PHC1: variants seen among roughly 807,000 people sequenced by gnomAD.
PHC1 encodes the protein polyhomeotic-like protein 1.
Under a neutral mutation model 104.3 loss-of-function variants are expected in PHC1, and 12 were observed. The ratio of observed to expected loss-of-function variants is 0.12; its 90% CI spans 0.07 to 0.19. The LOEUF (loss-of-function observed/expected upper bound fraction) is 0.19. Ranked by LOEUF, PHC1 falls within the 10% of genes least tolerant of loss-of-function variation. The probability of loss-of-function intolerance (pLI) is 1.00; values close to 1 mark genes in which losing one functional copy is unlikely to be tolerated. For synonymous variants in PHC1, 302 were observed against 455.8 expected, an observed-to-expected ratio of 0.66 and a Z score of 4.30; for missense variants, 671 against 1,200.0, an observed-to-expected ratio of 0.56 and a Z score of 6.51.
chr12:8,917,543 A>C, intron 1 of PHC1, 87 bp from the exon 2 acceptor site: 1 of 493,342 alleles, frequency 2.0e-6, no homozygotes, highest in Non-Finnish European at 3.6e-6. Context: ...TTAGATACTT[A>C]TGGATTTCCT....
chr12:8,933,776 A>C, intron 8 of PHC1, 89 bp from the exon 9 acceptor site: 1 of 1,132,324 alleles, frequency 8.8e-7, no homozygotes, highest in Non-Finnish European at 1.3e-6. Flanking sequence ...GAACTAAGAA[A>C]ATTTTCTTTG....
intron 8 of PHC1, 162 bp downstream of exon 8, chr12:8,933,512 T>C: frequency 1.0e-6 from 1 of 981,700 alleles, no homozygotes; most frequent in Non-Finnish European, 1.4e-6. Flanking sequence ...ATATAATATC[T>C]GAACTTTATA....
chr12:8,935,364 GCCTGTAATC>G (rs1945805177), intron 11 of PHC1, 126 bp downstream of exon 11: 1 of 575,978 alleles, frequency 1.7e-6, no homozygotes, highest in African/African-American at 1.9e-5. Flanking sequence ...AGTGGCTCAT[GCCTGTAATC>G]CCAGCACTTT....
rs746727142 is a variant in PHC1 at position 8,938,039 on chromosome 12, G to A, written c.2839G>A (p.Glu947Lys). 1 of 1,606,288 alleles carries A rather than the reference G, an allele frequency of 6.2e-7. No homozygotes were observed. The highest frequency in any genetic ancestry group is 8.5e-7 in the Non-Finnish European group (1 of 1,174,196). The change falls in exon 14 of 15, where the codon GAG becomes AAG. Residue 947 changes from glutamate (E) to lysine (K), a missense_variant. Glu to Lys is a moderately conservative substitution (Grantham distance 56). Around this residue, in one of 9 missense-constraint regions of PHC1, gnomAD observed 192 missense variants for 280.5 expected, o/e 0.68. Coordinates refer to ENST00000544916, the MANE Select transcript of PHC1 (RefSeq NM_004426.3). The part of the protein sequence containing the change: ...PSRWSVEEVY[E>K]FIASLQGCQE... ...CCGTTGGAGTGTAGAGGAGGTGTACGAGTTTATTGCTTCTCTCCAAGGTAC... is the reference window on the plus strand; with the variant it reads ...CCGTTGGAGTGTAGAGGAGGTGTACAAGTTTATTGCTTCTCTCCAAGGTAC...
intron 14 of PHC1, 131 bp downstream of exon 14, chr12:8,938,191 TAATATTC>T: frequency 1.6e-6 from 1 of 626,830 alleles, no homozygotes; most frequent in Non-Finnish European, 2.8e-6. Flanking sequence ...GCTCTACTCC[TAATATTC>T]AAGTTGACTT....
intron 2 of PHC1, among the ~76,000 whole-genome samples, chr12:8,918,710 C>T (rs1945272693): frequency 6.6e-6 from 1 of 152,148 alleles, no homozygotes; most frequent in South Asian, 2.1e-4. Context: ...GCATGTATTT[C>T]CAGCTCCCAA....
chr12:8,929,901 T>A (rs1945633039), intron 6 of PHC1, among the ~76,000 whole-genome samples: 1 of 152,214 alleles, frequency 6.6e-6, no homozygotes, highest in African/African-American at 2.4e-5. Context: ...CATTACCTAC[T>A]GAGTGTCACA....
chr12:8,931,653 T>G (rs1441689670), intron 7 of PHC1, among the ~76,000 whole-genome samples: 3 of 152,192 alleles, frequency 2.0e-5, no homozygotes, highest in African/African-American at 7.2e-5. Flanking sequence ...TGAGCTGGGA[T>G]CACACCACTG....
chr12:8,930,352 A>G (rs73238258), intron 6 of PHC1, 83 bp from the exon 7 acceptor site: 2 of 1,538,424 alleles, frequency 1.3e-6, no homozygotes, highest in African/African-American at 1.4e-5. Flanking sequence ...ATACGACACA[A>G]TAGCAGTCCT....
At chr12:8,927,891 TTCTTTCTTTCTTTCTTTCTTTC>T (rs1284272904) in intron 6 of PHC1, among the ~76,000 whole-genome samples, 1,244 of 115,536 alleles carry the variant, frequency 0.011, 41 homozygotes, top group African/African-American at 0.043. Flanking sequence ...CTTTCTTTCT[TTCTTTCTTTCTTTCTTTCTTTC>T]TTTTTTTTTT....
At chr12:8,923,835 A>AG (rs1945436454) in intron 6 of PHC1, among the ~76,000 whole-genome samples, 1 of 151,606 alleles carries the variant, frequency 6.6e-6, no homozygotes, top group African/African-American at 2.4e-5. Context: ...GTCTCAAAAA[A>AG]AAAAAAAAAA....
At chr12:8,916,691 A>G (rs757978870) in intron 1 of PHC1, among the ~76,000 whole-genome samples, 1 of 152,234 alleles carries the variant, frequency 6.6e-6, no homozygotes, top group East Asian at 1.9e-4. Flanking sequence ...ATAAAGTTGC[A>G]TCTTACTTTC....
intron 6 of PHC1, among the ~76,000 whole-genome samples, chr12:8,928,732 A>G (rs180962832): frequency 1.3e-5 from 2 of 152,338 alleles, no homozygotes; most frequent in East Asian, 3.8e-4. Flanking sequence ...AATATTTTGA[A>G]GCAAACCCCA....
At chr12:8,927,897 CTTTCTTTCTTTCTTTCTTT>C (rs1945568849) in intron 6 of PHC1, among the ~76,000 whole-genome samples, 1 of 110,672 alleles carries the variant, frequency 9.0e-6, no homozygotes. Context: ...TTCTTTCTTT[CTTTCTTTCTTTCTTTCTTT>C]TTTTTTTTTT....
At chr12:8,929,607 A>G (rs1945625141) in intron 6 of PHC1, among the ~76,000 whole-genome samples, 1 of 151,066 alleles carries the variant, frequency 6.6e-6, no homozygotes, top group African/African-American at 2.4e-5. Context: ...AGCTCACTGC[A>G]GTCTCTGCCT....
chr12:8,938,286 A>G (rs1213606609), intron 14 of PHC1, among the ~76,000 whole-genome samples: 1 of 152,196 alleles, frequency 6.6e-6, no homozygotes, highest in Non-Finnish European at 1.5e-5. Context: ...CTTATGATGT[A>G]GCTGCATTTC....
chr12:8,937,296 C>G lies in PHC1; in HGVS notation c.2598C>G (p.Ala866=). 12 of 1,610,342 alleles carry G rather than the reference C, an allele frequency of 7.5e-6. No homozygotes were observed. The highest frequency in any genetic ancestry group is 1.0e-5 in the Non-Finnish European group (12 of 1,178,220). Residue 866 remains alanine, a synonymous_variant, in exon 13 of 15, where the codon GCC becomes GCG. Coordinates refer to ENST00000544916, the MANE Select transcript of PHC1 (RefSeq NM_004426.3). ...RGPRRSSSDI[A]RAKIQGKCHR... ...CCCGCCGCAGCTCCTCTGACATTGCCCGTGCCAAGATTCAGGGCAAGTGCC... is the reference window on the plus strand; with the variant it reads ...CCCGCCGCAGCTCCTCTGACATTGCGCGTGCCAAGATTCAGGGCAAGTGCC...
At chr12:8,935,318 T>A (rs1319047406) in intron 11 of PHC1, 80 bp downstream of exon 11, 8 of 622,704 alleles carry the variant, frequency 1.3e-5, no homozygotes, top group Non-Finnish European at 2.2e-5. Flanking sequence ...AAATAGTAGT[T>A]ACCTATTTAT....
chr12:8,930,185 T>TA (rs1403316969), intron 6 of PHC1, among the ~76,000 whole-genome samples: 4 of 152,190 alleles, frequency 2.6e-5, no homozygotes, highest in Non-Finnish European at 4.4e-5. Flanking sequence ...ATTGAAGAGA[T>TA]ATTTTGAAGG....
Sources: allele counts gnomAD v4.1 joint callset (sites outside exome capture counted in the v4.1 genomes callset), GRCh38; gene constraint gnomAD v4.1.1; regional missense constraint gnomAD v4.1.1; transcripts MANE v1.5; gene names NCBI Gene and HGNC (gene_info 2026-07-23, HGNC 2026-07-21).